Variants in ITGA9 observed in about 807,000 individuals in gnomAD.
The protein encoded by ITGA9 is integrin subunit alpha 9.
In ITGA9, 56 loss-of-function variants were observed where a neutral mutation model predicts 127.8. The ratio of observed to expected loss-of-function variants is 0.44; its 90% confidence interval spans 0.35 to 0.55. The LOEUF (loss-of-function observed/expected upper bound fraction) is 0.55. ITGA9 is among the 20% of genes least tolerant of loss of function. The pLI, the probability that ITGA9 is intolerant of heterozygous loss-of-function variation, is 0.00. For missense variants in ITGA9, 1,196 were observed against 1,347.1 expected (o/e 0.89, Z 1.76); for synonymous variants, 508 against 514.5 (o/e 0.99, Z 0.17).
At chr3:37,665,495 G>C (rs1016091788) in intron 17 of ITGA9, among the ~76,000 whole-genome samples, 2 of 152,056 alleles carry the variant, frequency 1.3e-5, no homozygotes, top group African/African-American at 4.8e-5. Flanking sequence ...TGTTGCCCAG[G>C]CTGGAGTACA....
At chr3:37,604,970 T>A (rs1006933020) in intron 15 of ITGA9, among the ~76,000 whole-genome samples, 2 of 152,130 alleles carry the variant, frequency 1.3e-5, no homozygotes, top group African/African-American at 2.4e-5. Flanking sequence ...CAGAGGTCAA[T>A]GAAATAGACA....
intron 15 of ITGA9, among the ~76,000 whole-genome samples, chr3:37,588,326 C>G (rs908770705): frequency 6.6e-5 from 10 of 151,782 alleles, no homozygotes; most frequent in African/African-American, 1.9e-4. Flanking sequence ...AGCCCACCCC[C>G]CCACTTCCCT....
intron 26 of ITGA9, among the ~76,000 whole-genome samples, chr3:37,798,400 A>G (rs1697199481): frequency 6.6e-6 from 1 of 152,250 alleles, no homozygotes; most frequent in African/African-American, 2.4e-5. Context: ...TTTCAGTGTC[A>G]TACTGGAGCA....
rs72867549 is a variant in ITGA9 at position 37,513,209 on chromosome 3, C to T, written c.898-554C>T. 9.1e-3 allele frequency among the ~76,000 whole-genome samples: 1,385 copies of T among 152,252 alleles called. 17 individuals are homozygous for T. The highest frequency in any genetic ancestry group is 0.031 in the African/African-American group (1,299 of 41,520). On this transcript the variant is annotated intron_variant, in intron 8 of 27. Coordinates refer to ENST00000264741, the MANE Select transcript of ITGA9 (RefSeq NM_002207.3). Reference sequence around the variant, plus strand: ...TGGTTGTAACATAACTTTGTGTCCTCAGCTTGCATTTTTAAAAACAGCACC... The same window carrying T: ...TGGTTGTAACATAACTTTGTGTCCTTAGCTTGCATTTTTAAAAACAGCACC...
At chr3:37,624,178 T>C (rs1220716855) in intron 15 of ITGA9, among the ~76,000 whole-genome samples, 1 of 148,760 alleles carries the variant, frequency 6.7e-6, no homozygotes, top group African/African-American at 2.5e-5. Flanking sequence ...AGCTGCTGGT[T>C]AGCTAAGGAA....
At position 37,709,931 on chromosome 3, in the gene ITGA9, C is replaced by T. The variant is rs761586926; in HGVS notation, c.2068-22781C>T. On this transcript the variant is annotated intron_variant, in intron 18 of 27. Coordinates refer to ENST00000264741, the MANE Select transcript of ITGA9 (RefSeq NM_002207.3). ...CGGAAGTTGCAGTGAGCCAAGATAG[C>T]GCCACTGCACTCCAGCCTGGGTGAC... 5.3e-5 allele frequency among the ~76,000 whole-genome samples: 8 copies of T among 152,272 alleles called. No individual in the cohort carries two copies. The South Asian group carries it at 1.2e-3, about 24-fold the overall frequency.
At chr3:37,486,864 A>G (rs1698614877) in intron 4 of ITGA9, among the ~76,000 whole-genome samples, 1 of 152,208 alleles carries the variant, frequency 6.6e-6, no homozygotes, top group Non-Finnish European at 1.5e-5. Flanking sequence ...ATGGATTCCA[A>G]AGATTTCTGT....
chr3:37,521,894 G>A (rs1180589264), intron 11 of ITGA9, among the ~76,000 whole-genome samples: 1 of 152,212 alleles, frequency 6.6e-6, no homozygotes, highest in Non-Finnish European at 1.5e-5. Flanking sequence ...GTTTCCTACA[G>A]TGTTCTGATT....
rs555300029 is a variant in ITGA9 at position 37,682,831 on chromosome 3, G to A, written c.1917-1034G>A. 5.9e-5 allele frequency among the ~76,000 whole-genome samples: 9 copies of A among 152,240 alleles called. No individual in the cohort carries two copies. In the South Asian group the frequency reaches 1.7e-3, roughly 28 times the overall value. ...AATCTGTTGGCATGACCTTTGAAAT[G>A]TGTCCAGAATATGACCCCTTCTCAC... On this transcript the variant is annotated intron_variant, in intron 17 of 27. Coordinates refer to ENST00000264741, the MANE Select transcript of ITGA9 (RefSeq NM_002207.3).
At position 37,452,471 on chromosome 3, in the gene ITGA9, G is replaced by T; in HGVS notation, c.97G>T (p.Asp33Tyr). The T allele has an allele frequency of 1.3e-6, 2 of 1,502,540 alleles. No homozygotes were observed. The highest frequency in any genetic ancestry group is 1.8e-6 in the Non-Finnish European group (2 of 1,125,004). 93.1% of individuals were successfully genotyped at this position (1,502,540 alleles called of 1,614,324 possible). A position where few individuals can be genotyped will look rare whatever the true frequency, so the allele number is the denominator to read the frequency against. The change falls in exon 1 of 28, where the codon GAC (aspartate) becomes TAC (tyrosine). Residue 33 changes from aspartate (D) to tyrosine (Y), a missense_variant. Coordinates refer to ENST00000264741, the MANE Select transcript of ITGA9 (RefSeq NM_002207.3). The surrounding 1 kb of genome is among the most constrained non-coding windows in gnomAD (Gnocchi z 7.3). Reference sequence around the variant, plus strand: ...GATCCCCGCGGGCGCCTACAACCTCGACCCGCAGCGCCCCGTGCACTTCCA... The same window carrying T: ...GATCCCCGCGGGCGCCTACAACCTCTACCCGCAGCGCCCCGTGCACTTCCA... Reference protein sequence around the residue: ...AGIPAGAYNLDPQRPVHFQGP... With the variant: ...AGIPAGAYNLYPQRPVHFQGP...
chr3:37,789,032 T>C (rs2685083), intron 26 of ITGA9, among the ~76,000 whole-genome samples: 1 of 152,176 alleles, frequency 6.6e-6, no homozygotes, highest in African/African-American at 2.4e-5. Flanking sequence ...CCTCAATACT[T>C]CTTATTCCCT....
intron 27 of ITGA9, among the ~76,000 whole-genome samples, chr3:37,818,103 G>A (rs1697458717): frequency 6.8e-6 from 1 of 147,586 alleles, no homozygotes; most frequent in Non-Finnish European, 1.5e-5. Flanking sequence ...AGCCAAATAA[G>A]CTTGGGGAAT....
intron 15 of ITGA9, among the ~76,000 whole-genome samples, chr3:37,619,437 GA>G (rs1158394294): frequency 5.9e-5 from 9 of 152,126 alleles, no homozygotes; most frequent in Admixed American, 5.9e-4. Flanking sequence ...AAGGGACAGA[GA>G]AAAAAATGTT....
intron 11 of ITGA9, among the ~76,000 whole-genome samples, chr3:37,522,173 T>G (rs560939585): frequency 6.6e-6 from 1 of 152,220 alleles, no homozygotes; most frequent in East Asian, 1.9e-4. Flanking sequence ...TATTGTACTT[T>G]GAAAACAAAG....
Position 37,599,621 on chromosome 3 carries a change from G to T in ITGA9, c.1690-29566G>T, listed in dbSNP as rs558230793. Among the ~76,000 whole-genome samples the T allele has an allele frequency of 3.9e-5, 6 of 152,314 alleles. No homozygotes were observed. In the South Asian group the frequency reaches 1.2e-3, roughly 32 times the overall value. On this transcript the variant is annotated intron_variant, in intron 15 of 27. Transcript: ENST00000264741. ...CATGACACATATGTAGGGACAGGTA[G>T]AACATTGTGGTCATATGCAGTGGAC...
chr3:37,781,092 G>C (rs1187573571), intron 25 of ITGA9, among the ~76,000 whole-genome samples: 1 of 152,212 alleles, frequency 6.6e-6, no homozygotes, highest in Non-Finnish European at 1.5e-5. Flanking sequence ...CAGGGATTTT[G>C]TTTGGCCATT....
chr3:37,518,502 G>A (rs1442105313), intron 10 of ITGA9, among the ~76,000 whole-genome samples: 1 of 152,204 alleles, frequency 6.6e-6, no homozygotes, highest in Non-Finnish European at 1.5e-5. Flanking sequence ...TCTTGTGTGT[G>A]AAGTGAATGC....
At chr3:37,721,618 G>A (rs1476443627) in intron 18 of ITGA9, among the ~76,000 whole-genome samples, 1 of 152,188 alleles carries the variant, frequency 6.6e-6, no homozygotes, top group East Asian at 1.9e-4. Context: ...GCTTTGTAGT[G>A]CTTTCTTTGT....
At chr3:37,757,958 G>T (rs1332605471) in intron 23 of ITGA9, among the ~76,000 whole-genome samples, 1 of 151,762 alleles carries the variant, frequency 6.6e-6, no homozygotes, top group Non-Finnish European at 1.5e-5. Flanking sequence ...TGGAGAGCGG[G>T]CACACTCACG....
Sources: allele counts gnomAD v4.1 joint callset (sites outside exome capture counted in the v4.1 genomes callset), GRCh38; gene constraint gnomAD v4.1.1; non-coding constraint Gnocchi (gnomAD v3.1); transcripts MANE v1.5; gene names NCBI Gene and HGNC (gene_info 2026-07-23, HGNC 2026-07-21).